CC2D2A: variants seen among roughly 807,000 people sequenced by gnomAD.
CC2D2A encodes coiled-coil and C2 domain containing 2A.
A neutral mutation model predicts 212.9 loss-of-function variants in CC2D2A; 155 were observed. The ratio of observed to expected loss-of-function variants is 0.73; its 90% confidence interval spans 0.64 to 0.83. CC2D2A has a LOEUF of 0.83. Ranked by LOEUF, CC2D2A falls within the 40% of genes least tolerant of loss-of-function variation. CC2D2A has a pLI of 0.00. For missense variants in CC2D2A, 1,856 were observed against 1,956.2 expected, an observed-to-expected ratio of 0.95 and a Z score of 0.97; for synonymous variants, 667 against 686.5, an observed-to-expected ratio of 0.97 and a Z score of 0.44.
At chr4:15,596,344 C>T in intron 34 of CC2D2A, 137 bp downstream of exon 34, 1 of 662,010 alleles carries the variant, frequency 1.5e-6, no homozygotes, top group Non-Finnish European at 2.2e-6. Context: ...CAACTCACAA[C>T]AAGAAACAGA....
chr4:15,503,060 A>C (rs1716053259), intron 6 of CC2D2A, 137 bp downstream of exon 6: 1 of 573,618 alleles, frequency 1.7e-6, no homozygotes. Flanking sequence ...ACTTTGGGAG[A>C]CTGAGGTGGG....
intron 13 of CC2D2A, among the ~76,000 whole-genome samples, chr4:15,531,912 A>C (rs964650964): frequency 3.9e-5 from 6 of 152,172 alleles, no homozygotes; most frequent in African/African-American, 1.4e-4. Context: ...CGAACTGACC[A>C]CCTGATGGTG....
intron 6 of CC2D2A, among the ~76,000 whole-genome samples, chr4:15,509,277 CTT>C (rs34725428): frequency 2.1e-5 from 3 of 145,266 alleles, no homozygotes; most frequent in Admixed American, 6.8e-5. Context: ...TGAGATAACA[CTT>C]TTTTTTTTTT....
At chr4:15,587,759 A>G in intron 31 of CC2D2A, 57 bp from the exon 32 acceptor site, 1 of 932,296 alleles carries the variant, frequency 1.1e-6, no homozygotes, top group Admixed American at 2.0e-5. Context: ...ATCCTGCACA[A>G]CCAATCCAGA....
chr4:15,570,401 G>T lies in CC2D2A; in HGVS notation c.3499G>T (p.Asp1167Tyr). 1.3e-6 allele frequency: 2 copies of T among 1,589,576 alleles called. No homozygotes were observed. Among genetic ancestry groups the T allele is most frequent in the South Asian group, 1.1e-5 (1 of 88,170 alleles). Reference sequence around the variant, plus strand: ...TTACTTCCCACCCTTCCTTTAGGATGACCGTGAAAGAGGAAGTGGAATCCA... The same window carrying T: ...TTACTTCCCACCCTTCCTTTAGGATTACCGTGAAAGAGGAAGTGGAATCCA... ...DEVLHDVLEDDRERGSGIHTR... is the reference protein window; with the variant it reads ...DEVLHDVLEDYRERGSGIHTR... Residue 1167 changes from aspartate to tyrosine, a missense_variant, in exon 28 of 37, where the codon GAC (aspartate) becomes TAC (tyrosine). Asp to Tyr is a radical substitution (Grantham distance 160). Around this residue, in one of 5 missense-constraint regions of CC2D2A, gnomAD observed 1,512 missense variants for 1,579.3 expected, o/e 0.96. Coordinates refer to ENST00000424120, the MANE Select transcript of CC2D2A (RefSeq NM_001378615.1).
intron 28 of CC2D2A, among the ~76,000 whole-genome samples, chr4:15,570,931 C>T (rs1000526544): frequency 1.3e-5 from 2 of 151,916 alleles, no homozygotes; most frequent in Non-Finnish European, 2.9e-5. Flanking sequence ...TTTCTTTGTG[C>T]GATACATCCT....
chr4:15,546,892 A>C (rs79026350), intron 17 of CC2D2A, among the ~76,000 whole-genome samples: 360 of 152,298 alleles, frequency 2.4e-3, no homozygotes, highest in African/African-American at 8.3e-3. Flanking sequence ...AAGGCCTGTG[A>C]AACTGGGAAA....
At chr4:15,492,835 G>A (rs1577322039) in intron 4 of CC2D2A, 14 of 625,036 alleles carry the variant, frequency 2.2e-5, no homozygotes, top group South Asian at 1.7e-4. Context: ...GGCAATGCCA[G>A]CCCCAGCATC....
At chr4:15,579,396 T>G (rs1321389790) in intron 29 of CC2D2A, among the ~76,000 whole-genome samples, 1 of 152,188 alleles carries the variant, frequency 6.6e-6, no homozygotes. Context: ...CAACCAGTTA[T>G]TTAAAATAAT....
intron 11 of CC2D2A, chr4:15,519,389 A>G (rs1463742147): frequency 2.4e-6 from 1 of 413,410 alleles, no homozygotes; most frequent in Admixed American, 2.7e-5. Flanking sequence ...ACAAGTCTCT[A>G]GGGAGTTCCA....
rs386833756 is a variant in CC2D2A at position 15,570,483 on chromosome 4, AT to A, written c.3584del (p.Phe1195SerfsTer11). On this transcript the variant is annotated frameshift_variant, in exon 28 of 37. Coordinates refer to ENST00000424120, the MANE Select transcript of CC2D2A (RefSeq NM_001378615.1). LOFTEE classifies it high-confidence loss of function. ...GTGAAAATGCCATTTAGCACAATAT[AT>A]TTCCAAGCAAGGGTAAGTATCTAAA... ...GCVKMPFSTI[Y>X]FQARIDGTFK... 1 of 1,600,060 alleles carries A rather than the reference AT, an allele frequency of 6.2e-7. No homozygotes were observed. Among genetic ancestry groups the A allele is most frequent in the Middle Eastern group, 1.7e-4 (1 of 6,030 alleles).
At chr4:15,513,130 C>G (rs545835244) in intron 8 of CC2D2A, among the ~76,000 whole-genome samples, 1 of 152,322 alleles carries the variant, frequency 6.6e-6, no homozygotes, top group East Asian at 1.9e-4. Context: ...TTACCTAGAT[C>G]TACAGAAGCT....
intron 7 of CC2D2A, among the ~76,000 whole-genome samples, chr4:15,510,797 C>T (rs547173008): frequency 3.9e-5 from 6 of 151,974 alleles, no homozygotes; most frequent in East Asian, 1.9e-4. Context: ...GAAGTTGCCC[C>T]GGCTTTCATT....
chr4:15,475,826 A>C, intron 1 of CC2D2A, 89 bp from the exon 2 acceptor site: 1 of 1,081,816 alleles, frequency 9.2e-7, no homozygotes, highest in Non-Finnish European at 1.4e-6. Context: ...TTCACTTACC[A>C]TCATGGCCAG....
intron 13 of CC2D2A, 82 bp from the exon 14 acceptor site, chr4:15,533,111 A>G (rs1431084980): frequency 1.9e-5 from 21 of 1,133,464 alleles, no homozygotes; most frequent in Non-Finnish European, 2.5e-5. Context: ...AATTGAATAT[A>G]CAATCACTGT....
chr4:15,509,081 G>C (rs2109005108), intron 6 of CC2D2A, among the ~76,000 whole-genome samples: 1 of 152,288 alleles, frequency 6.6e-6, no homozygotes, highest in African/African-American at 2.4e-5. Flanking sequence ...CTATCACATA[G>C]AGCAAGTAGA....
At position 15,515,888 on chromosome 4, in the gene CC2D2A, C is replaced by T. The variant is rs1179726773; in HGVS notation, c.901C>T (p.Pro301Ser). 1.9e-6 allele frequency: 3 copies of T among 1,552,100 alleles called. No homozygotes were observed. Among genetic ancestry groups the T allele is most frequent in the African/African-American group, 1.4e-5 (1 of 73,020 alleles). Residue 301 changes from proline to serine, a missense_variant, in exon 10 of 37, where the codon CCT (proline) becomes TCT (serine). By Grantham distance (74) the Pro-to-Ser change is moderately conservative. Transcript: ENST00000424120. ...RQTVPTYKKL[P>S]ENVQPRFLED... ...TCTAGTCCCTACATATAAAAAGCTT[C>T]CTGAGAATGTACAGCCCAGGTTCCT...
rs377188181 is a variant in CC2D2A at position 15,550,912 on chromosome 4, C to A, written c.2270C>A (p.Ala757Asp). 59 of 1,609,710 alleles carry A rather than the reference C, an allele frequency of 3.7e-5. No homozygotes were observed. The African/African-American group carries it at 6.9e-4, about 19-fold the overall frequency. Residue 757 changes from alanine (A) to aspartate (D), a missense_variant, in exon 18 of 37, where the codon GCT becomes GAT. Around this residue, in one of 5 missense-constraint regions of CC2D2A, gnomAD observed 1,512 missense variants for 1,579.3 expected, o/e 0.96. Coordinates refer to ENST00000424120, the MANE Select transcript of CC2D2A (RefSeq NM_001378615.1). ...IPETTVVTGR[A>D]PTEEVEFSSN... ...GAGACTACTGTTGTCACTGGAAGGG[C>A]TCCTACTGAAGAAGTGGAGTTTAGC...
intron 33 of CC2D2A, among the ~76,000 whole-genome samples, chr4:15,594,012 T>G (rs1301609958): frequency 6.6e-6 from 1 of 152,098 alleles, no homozygotes; most frequent in Non-Finnish European, 1.5e-5. Context: ...ACCTCCATGA[T>G]CTGATACCCA....
Sources: gnomAD v4.1 joint callset for allele counts (sites outside exome capture counted in the v4.1 genomes callset) on GRCh38, gnomAD v4.1.1 for gene constraint, gnomAD v4.1.1 regional missense constraint, MANE v1.5 for transcripts, NCBI Gene and HGNC (gene_info 2026-07-23, HGNC 2026-07-21) for gene names.